Variants in SLC2A13 observed in about 807,000 individuals in gnomAD.
SLC2A13 encodes the protein solute carrier family 2 member 13.
A neutral mutation model predicts 64.4 loss-of-function variants in SLC2A13; 32 were observed. The observed-to-expected ratio is 0.50, with a 90% CI of 0.37 to 0.67. The LOEUF (loss-of-function observed/expected upper bound fraction) is 0.67. Ranked by LOEUF, SLC2A13 falls within the 30% of genes least tolerant of loss-of-function variation. SLC2A13 has a pLI of 0.00. For synonymous variants in SLC2A13, 338 were observed against 327.1 expected (o/e 1.03, Z -0.36); for missense variants, 743 against 829.2 (o/e 0.90, Z 1.28).
intron 7 of SLC2A13, among the ~76,000 whole-genome samples, chr12:39,794,165 C>G (rs1019743103): frequency 6.8e-6 from 1 of 148,050 alleles, no homozygotes; most frequent in Non-Finnish European, 1.5e-5. Flanking sequence ...ACAAAACCTC[C>G]CTTCTGCAAA....
chr12:39,991,531 C>T (rs1216495277), intron 3 of SLC2A13, among the ~76,000 whole-genome samples: 2 of 152,124 alleles, frequency 1.3e-5, no homozygotes, highest in African/African-American at 4.8e-5. Context: ...TCATGTTTAC[C>T]AATGATTTTC....
chr12:39,829,392 CTTTTTTTTTTTT>C (rs1202354539), intron 7 of SLC2A13: 3 of 65,796 alleles, frequency 4.6e-5, no homozygotes, highest in East Asian at 1.0e-3. Context: ...GATAGTAATT[CTTTTTTTTTTTT>C]TTTTTTTTTT....
chr12:39,981,564 T>G (rs1011350371), intron 3 of SLC2A13, among the ~76,000 whole-genome samples: 14 of 149,012 alleles, frequency 9.4e-5, no homozygotes, highest in Non-Finnish European at 1.6e-4. Flanking sequence ...GCAAATAAAC[T>G]AGAAAATCTA....
chr12:39,797,541 A>G (rs942290474), intron 7 of SLC2A13, among the ~76,000 whole-genome samples: 7 of 152,188 alleles, frequency 4.6e-5, no homozygotes, highest in African/African-American at 1.7e-4. Flanking sequence ...AAGTAGCTAA[A>G]TATTTTAGTC....
At chr12:39,958,844 A>C (rs535622727) in intron 3 of SLC2A13, among the ~76,000 whole-genome samples, 2 of 151,424 alleles carry the variant, frequency 1.3e-5, no homozygotes, top group South Asian at 4.2e-4. Flanking sequence ...CCAGGCTCTC[A>C]CTCCTGGCTA....
chr12:39,812,996 A>ATTTTTTTATTTTTTTTTTTTTTTTTT (rs1942231191), intron 7 of SLC2A13, among the ~76,000 whole-genome samples: 1 of 40,602 alleles, frequency 2.5e-5, no homozygotes, highest in Non-Finnish European at 4.2e-5. Context: ...TGCCCAGCTA[A>ATTTTTTTATTTTTTTTTTTTTTTTTT]TTTTTTTTTT....
intron 1 of SLC2A13, among the ~76,000 whole-genome samples, chr12:40,098,269 C>A (rs1031147915): frequency 6.6e-6 from 1 of 152,064 alleles, no homozygotes; most frequent in East Asian, 1.9e-4. Context: ...ATTCCACTTA[C>A]GTGAAGTATC....
chr12:40,035,795 A>G (rs1365353799), intron 2 of SLC2A13, among the ~76,000 whole-genome samples: 1 of 152,220 alleles, frequency 6.6e-6, no homozygotes, highest in Admixed American at 6.5e-5. Context: ...ATCAGCATAT[A>G]AGTGGCTTGG....
intron 4 of SLC2A13, among the ~76,000 whole-genome samples, chr12:39,896,905 A>C (rs768478706): frequency 1.3e-5 from 2 of 152,146 alleles, no homozygotes; most frequent in Non-Finnish European, 2.9e-5. Context: ...TTTCCCATTT[A>C]GTGGAATTTG....
chr12:40,090,511 T>C (rs1956385007), intron 1 of SLC2A13, among the ~76,000 whole-genome samples: 5 of 152,202 alleles, frequency 3.3e-5, no homozygotes, highest in Admixed American at 3.3e-4. Context: ...AAGGTAACTA[T>C]TAACCATAGC....
At chr12:40,070,460 T>G (rs1937909957) in intron 1 of SLC2A13, among the ~76,000 whole-genome samples, 1 of 152,102 alleles carries the variant, frequency 6.6e-6, no homozygotes, top group Non-Finnish European at 1.5e-5. Flanking sequence ...GGCACTTCAC[T>G]TCGCTTGGTA....
At chr12:39,950,155 C>T (rs979126273) in intron 4 of SLC2A13, 6 of 152,026 alleles carry the variant, frequency 3.9e-5, no homozygotes, top group Non-Finnish European at 7.4e-5. Context: ...AATATACTGG[C>T]TCATTGGGTC....
chr12:40,049,696 T>C (rs1948224629), intron 1 of SLC2A13, among the ~76,000 whole-genome samples: 1 of 152,178 alleles, frequency 6.6e-6, no homozygotes, highest in South Asian at 2.1e-4. Context: ...ATTATAAGTG[T>C]ATTTTTCCTC....
intron 3 of SLC2A13, among the ~76,000 whole-genome samples, chr12:40,001,371 G>A (rs554605170): frequency 6.6e-6 from 1 of 152,310 alleles, no homozygotes; most frequent in Admixed American, 6.5e-5. Flanking sequence ...GGAATAAAAA[G>A]TCAGGTGAAT....
intron 3 of SLC2A13, among the ~76,000 whole-genome samples, chr12:39,998,918 T>C (rs1240282349): frequency 2.0e-5 from 3 of 152,112 alleles, no homozygotes; most frequent in Non-Finnish European, 4.4e-5. Flanking sequence ...GAGCACTGAA[T>C]CATGTGGGCA....
At chr12:39,943,956 C>A (rs977692764) in intron 4 of SLC2A13, among the ~76,000 whole-genome samples, 2 of 152,140 alleles carry the variant, frequency 1.3e-5, no homozygotes. Context: ...GTAACACCAG[C>A]AAGACAGACT....
chr12:39,939,706 G>T (rs1945985659), intron 4 of SLC2A13, among the ~76,000 whole-genome samples: 1 of 152,194 alleles, frequency 6.6e-6, no homozygotes, highest in Non-Finnish European at 1.5e-5. Flanking sequence ...TCAGCATGTG[G>T]TAAGCATTTA....
intron 7 of SLC2A13, among the ~76,000 whole-genome samples, chr12:39,822,415 T>A (rs4325371): frequency 0.01 from 1,585 of 152,272 alleles, 24 homozygotes; most frequent in African/African-American, 0.035. Context: ...AATTAAAATA[T>A]CTAAATAAGG....
Position 40,021,560 on chromosome 12 carries a change from T to C in SLC2A13, c.925+6741A>G, listed in dbSNP as rs552660348. Among the ~76,000 whole-genome samples the C allele has an allele frequency of 2.0e-5, 3 of 152,324 alleles. No individual in the cohort carries two copies. In the South Asian group the frequency reaches 6.2e-4, roughly 32 times the overall value. The stretch of plus-strand genomic sequence containing the variant: ...ATCTACTGTTTACCAGCCTAATACT[T>C]TGACAATTTTTGGAATTTTACAACC... On this transcript the variant is annotated intron_variant, in intron 3 of 9. Transcript: ENST00000280871.
Sources: allele counts gnomAD v4.1 joint callset (sites outside exome capture counted in the v4.1 genomes callset), GRCh38; gene constraint gnomAD v4.1.1; transcripts MANE v1.5; gene names NCBI Gene and HGNC (gene_info 2026-07-23, HGNC 2026-07-21).